The following INTS1 variants were observed in gnomAD, a reference collection of about 807,000 sequenced individuals.
INTS1 encodes the protein integrator complex subunit 1.
Under a neutral mutation model 241.6 loss-of-function variants are expected in INTS1, and 137 were observed. The observed-to-expected ratio is 0.57, with a 90% CI of 0.49 to 0.65. The LOEUF is 0.65. INTS1 is among the 30% of genes least tolerant of loss of function. The probability of loss-of-function intolerance (pLI) is 0.00; values close to 1 mark genes in which losing one functional copy is unlikely to be tolerated. For missense variants in INTS1, 3,073 were observed against 3,032.2 expected, an observed-to-expected ratio of 1.01 and a Z score of -0.32; for synonymous variants, 1,692 against 1,337.8, an observed-to-expected ratio of 1.26 and a Z score of -5.78.
Position 1,479,583 on chromosome 7 carries a change from G to C in INTS1, c.4176C>G (p.Val1392=), listed in dbSNP as rs983808344. The part of the protein sequence containing the change: ...QALGQELARV[V]QGSPEVPGIT... Reference sequence around the variant, plus strand: ...TGCCCGGCACCTCGGGGCTGCCCTGGACGACGCGGGCCAGCTCCTGGCCCA... The same window carrying C: ...TGCCCGGCACCTCGGGGCTGCCCTGCACGACGCGGGCCAGCTCCTGGCCCA... The change falls in exon 31 of 48, where the codon GTC becomes GTG. Residue 1392 remains valine, a synonymous_variant. Coordinates refer to ENST00000404767, the MANE Select transcript of INTS1 (RefSeq NM_001080453.3). 1 of 1,542,990 alleles carries C rather than the reference G, an allele frequency of 6.5e-7. No individual in the cohort carries two copies. Among genetic ancestry groups the C allele is most frequent in the African/African-American group, 1.4e-5 (1 of 72,942 alleles).
At chr7:1,486,893 G>T (rs367961256) in intron 21 of INTS1, 29 bp downstream of exon 21, 1 of 1,584,922 alleles carries the variant, frequency 6.3e-7, no homozygotes, top group Non-Finnish European at 8.6e-7. Context: ...GGTGAGAGGC[G>T]GGGGGGCTGA....
In INTS1 at chr7:1,491,446, G is replaced by A. The variant is rs536411937; in HGVS notation, c.2165+1564C>T. ...ACACCATAAAAACTATGTCACAGTGGCTCAAACACCTGAAAGTAAGAGCTG... is the reference window on the plus strand; with the variant it reads ...ACACCATAAAAACTATGTCACAGTGACTCAAACACCTGAAAGTAAGAGCTG... On this transcript the variant is annotated intron_variant, in intron 16 of 47. Coordinates refer to ENST00000404767, the MANE Select transcript of INTS1 (RefSeq NM_001080453.3). 1.1e-3 allele frequency among the ~76,000 whole-genome samples: 169 copies of A among 152,310 alleles called. 1 individual carries two copies. Among genetic ancestry groups the A allele is most frequent in the Non-Finnish European group, 2.0e-3 (135 of 68,024 alleles).
chr7:1,489,722 A>G (rs997279257), intron 16 of INTS1, 40 bp from the exon 17 acceptor site: 4 of 1,385,534 alleles, frequency 2.9e-6, no homozygotes, highest in African/African-American at 1.5e-5. Context: ...CCAGCGCACC[A>G]AGCTCAGCGC....
chr7:1,477,216 C>T (rs1781765619), intron 35 of INTS1, among the ~76,000 whole-genome samples: 1 of 152,240 alleles, frequency 6.6e-6, no homozygotes, highest in Non-Finnish European at 1.5e-5. Flanking sequence ...CCTCCCTTCT[C>T]CTGGCCACAG....
intron 35 of INTS1, among the ~76,000 whole-genome samples, chr7:1,477,268 C>T (rs958994941): frequency 6.6e-6 from 1 of 152,204 alleles, no homozygotes; most frequent in Admixed American, 6.5e-5. Flanking sequence ...ACATGATCTA[C>T]AGGGTTTGGC....
rs892362449 is a variant in INTS1 at position 1,476,662 on chromosome 7, G to A, written c.5064-5C>T. The A allele has an allele frequency of 3.1e-6, 5 of 1,612,592 alleles. No homozygotes were observed. The highest frequency in any genetic ancestry group is 1.3e-5 in the African/African-American group (1 of 74,952). ...AGAGAGGCAGAGGGGTCGAACCTGT[G>A]GGGAGGCAAAGGTTCCAGAGCACGA... is the stretch of plus-strand genomic sequence containing the variant. On this transcript the variant is annotated splice_region_variant and splice_polypyrimidine_tract_variant and intron_variant, in intron 36 of 47. Transcript: ENST00000404767.
intron 39 of INTS1, 59 bp from the exon 40 acceptor site, chr7:1,474,897 A>C: frequency 2.0e-6 from 3 of 1,523,178 alleles, no homozygotes; most frequent in Non-Finnish European, 2.7e-6. Flanking sequence ...GCCCACCCAC[A>C]CTCAGCCTGG....
intron 12 of INTS1, among the ~76,000 whole-genome samples, 174 bp downstream of exon 12, chr7:1,495,982 C>T (rs1038470546): frequency 4.6e-5 from 7 of 152,198 alleles, no homozygotes; most frequent in Non-Finnish European, 7.3e-5. Flanking sequence ...GGGTGAGGCC[C>T]GGATGGACAG....
rs746830489 is a variant in INTS1 at position 1,478,488 on chromosome 7, C to T, written c.4508G>A (p.Arg1503His). 31 of 1,611,156 alleles carry T rather than the reference C, an allele frequency of 1.9e-5. No homozygotes were observed. Among genetic ancestry groups the T allele is most frequent in the South Asian group, 3.3e-5 (3 of 90,916 alleles). ...RLSDVRGGLL[R>H]LAEALAFRQD... ...ACGGAAGGCCAGGGCCTCGGCCAGG[C>T]GCAGGAGCCCCCCTCGCACTGTGGG... Residue 1503 changes from arginine (R) to histidine (H), a missense_variant, in exon 33 of 48, where the codon CGC becomes CAC. Arg to His is a conservative substitution (Grantham distance 29, BLOSUM62 0). Coordinates refer to ENST00000404767, the MANE Select transcript of INTS1 (RefSeq NM_001080453.3).
rs551504172 is a variant in INTS1, at chr7:1,497,776, C to T, written c.1426-462G>A. Among the ~76,000 whole-genome samples the T allele has an allele frequency of 2.0e-4, 30 of 152,338 alleles. No homozygotes were observed. The highest frequency in any genetic ancestry group is 3.1e-4 in the African/African-American group (13 of 41,586). On this transcript the variant is annotated intron_variant, in intron 10 of 47. Coordinates refer to ENST00000404767, the MANE Select transcript of INTS1 (RefSeq NM_001080453.3). The surrounding 1 kb of genome is among the most constrained non-coding windows in gnomAD (Gnocchi z 5.3). The stretch of plus-strand genomic sequence containing the variant: ...GGCTGTGCCTCCCTCGTGTTTCACA[C>T]TCCATAGAGCCCACCGGGAGGCCTA...
At chr7:1,496,119 C>G in intron 12 of INTS1, 37 bp downstream of exon 12, 1 of 1,548,892 alleles carries the variant, frequency 6.5e-7, no homozygotes, top group Non-Finnish European at 8.9e-7. Flanking sequence ...ACCCGAGACC[C>G]CCACCAAGCA....
chr7:1,477,803 C>G lies in INTS1; in HGVS notation c.4764G>C (p.Leu1588=). The change falls in exon 34 of 48, where the codon CTG becomes CTC. Residue 1588 remains leucine, a synonymous_variant. Coordinates refer to ENST00000404767, the MANE Select transcript of INTS1 (RefSeq NM_001080453.3). The stretch of plus-strand genomic sequence containing the variant: ...CCCCAGCCAGGGGCTCCTCCTCCTG[C>G]AGCAGCAGGGAGCTCACCACCACAA... ...KPVVVVSSLL[L]QEEEPLAGGK... 2 of 1,612,566 alleles carry G rather than the reference C, an allele frequency of 1.2e-6. No individual in the cohort carries two copies. The highest frequency in any genetic ancestry group is 1.7e-6 in the Non-Finnish European group (2 of 1,179,832).
At position 1,493,771 on chromosome 7, in the gene INTS1, G is replaced by A. The variant is rs1471177706; in HGVS notation, c.2051C>T (p.Ala684Val). 6.3e-7 allele frequency: 1 copy of A among 1,579,130 alleles called. No individual in the cohort carries two copies. Among genetic ancestry groups the A allele is most frequent in the African/African-American group, 1.3e-5 (1 of 74,198 alleles). Residue 684 changes from alanine (A) to valine (V), a missense_variant, in exon 15 of 48, where the codon GCT becomes GTT. Ala to Val is a moderately conservative substitution (Grantham distance 64). Transcript: ENST00000404767. This position sits in a 1 kb window ranked among gnomAD's most constrained non-coding sequence, Gnocchi z 5.3. ...AGCCATACCATCCGCCTGCACGGCAGCCGCCCGCTTCACCAGGTGGTCAGC... is the reference window on the plus strand; with the variant it reads ...AGCCATACCATCCGCCTGCACGGCAACCGCCCGCTTCACCAGGTGGTCAGC... ...ELADHLVKRA[A>V]AVQADDVEVL...
At chr7:1,498,022 T>C (rs1186927072) in intron 10 of INTS1, among the ~76,000 whole-genome samples, 5 of 151,220 alleles carry the variant, frequency 3.3e-5, no homozygotes, top group African/African-American at 1.2e-4. Flanking sequence ...GAGACCAGCC[T>C]GGGCCACATA....
intron 22 of INTS1, 141 bp downstream of exon 22, chr7:1,486,484 C>T (rs1325864407): frequency 1.1e-6 from 1 of 921,282 alleles, no homozygotes; most frequent in Non-Finnish European, 1.6e-6. Context: ...AGGCTGGTCT[C>T]CAACTCCTGA....
rs1277012615 is a variant in INTS1 at position 1,479,512 on chromosome 7, G to A, written c.4247C>T (p.Pro1416Leu). Residue 1416 changes from proline to leucine, a missense_variant, in exon 31 of 48, where the codon CCA becomes CTA. Pro to Leu is a moderately conservative substitution (Grantham distance 98). Coordinates refer to ENST00000404767, the MANE Select transcript of INTS1 (RefSeq NM_001080453.3). ...LQALATLLSS[P>L]HGGALVMSMH... Reference sequence around the variant, plus strand: ...GGACATCACCAGGGCACCGCCGTGTGGGGAGCTGAGCAGGGTGGCGAGGGC... The same window carrying A: ...GGACATCACCAGGGCACCGCCGTGTAGGGAGCTGAGCAGGGTGGCGAGGGC... 6.4e-7 allele frequency: 1 copy of A among 1,569,572 alleles called. No homozygotes were observed. The highest frequency in any genetic ancestry group is 8.6e-7 in the Non-Finnish European group (1 of 1,158,692).
chr7:1,476,590 G>T lies in INTS1; in HGVS notation c.5131C>A (p.Arg1711=), dbSNP rs777877367. Residue 1711 remains arginine (R), a synonymous_variant, in exon 37 of 48, where the codon CGG becomes AGG. Coordinates refer to ENST00000404767, the MANE Select transcript of INTS1 (RefSeq NM_001080453.3). ...CCTGCCTGCGGGGTGCGCTGGTCCC[G>T]CCCCTGCCAGATGCGAGGAACATGG... ...CIHVPRIWQG[R]DQRTPQKRRE... 6.3e-7 allele frequency: 1 copy of T among 1,592,286 alleles called. No individual in the cohort carries two copies. Among genetic ancestry groups the T allele is most frequent in the African/African-American group, 1.4e-5 (1 of 69,990 alleles).
At chr7:1,498,943 G>GGCCCGCCCCCCCCCCCC in intron 8 of INTS1, 32 bp downstream of exon 8, 1 of 1,070,748 alleles carries the variant, frequency 9.3e-7, no homozygotes, top group Non-Finnish European at 1.3e-6. Context: ...CCCACCCCCT[G>GGCCCGCCCCCCCCCCCC]CCCCGCCCAC....
intron 9 of INTS1, 52 bp downstream of exon 9, chr7:1,498,655 C>CT: frequency 6.5e-7 from 1 of 1,530,732 alleles, no homozygotes; most frequent in Non-Finnish European, 8.8e-7. Flanking sequence ...CACACCCCCA[C>CT]CCACACCCCC....
Sources: allele counts gnomAD v4.1 joint callset (sites outside exome capture counted in the v4.1 genomes callset), GRCh38; gene constraint gnomAD v4.1.1; non-coding constraint Gnocchi (gnomAD v3.1); transcripts MANE v1.5; gene names NCBI Gene and HGNC (gene_info 2026-07-23, HGNC 2026-07-21).